The following IL1RL2 variants were observed in gnomAD, a reference collection of about 807,000 sequenced individuals.
IL1RL2 encodes interleukin-1 receptor-like 2.
A neutral mutation model predicts 66.8 loss-of-function variants in IL1RL2; 68 were observed. The ratio of observed to expected loss-of-function variants is 1.02; its 90% CI spans 0.84 to 1.25. IL1RL2 has a LOEUF of 1.25. IL1RL2 is among the 50% of genes most tolerant of loss of function. The pLI is 0.00. For synonymous variants in IL1RL2, 305 were observed against 264.6 expected, an observed-to-expected ratio of 1.15 and a Z score of -1.48; for missense variants, 729 against 709.3, an observed-to-expected ratio of 1.03 and a Z score of -0.32.
intron 3 of IL1RL2, among the ~76,000 whole-genome samples, chr2:102,190,112 T>C (rs1374125292): frequency 6.6e-6 from 1 of 152,314 alleles, no homozygotes; most frequent in East Asian, 1.9e-4. Context: ...CTAAGAAATA[T>C]GAATAACACA....
chr2:102,221,202 TC>T (rs541674956), intron 8 of IL1RL2, among the ~76,000 whole-genome samples: 156 of 152,238 alleles, frequency 1.0e-3, no homozygotes, highest in African/African-American at 3.7e-3. Flanking sequence ...TCCATCACTT[TC>T]CCCCAGTCAG....
chr2:102,226,097 T>C (rs1690587613), intron 9 of IL1RL2, 56 bp downstream of exon 9: 8 of 1,366,744 alleles, frequency 5.9e-6, no homozygotes, highest in Non-Finnish European at 7.8e-6. Flanking sequence ...CTTATACATA[T>C]ACAACGATTT....
chr2:102,236,177 C>T (rs1467312640), intron 11 of IL1RL2, among the ~76,000 whole-genome samples: 2 of 152,044 alleles, frequency 1.3e-5, no homozygotes, highest in Admixed American at 6.5e-5. Flanking sequence ...CACTTTTTTC[C>T]AAGACCCTGG....
In IL1RL2 at chr2:102,219,078, G is replaced by T. The variant is rs199991238; in HGVS notation, c.850G>T (p.Val284Leu). ...YDESKRIREG[V>L]ETHVSFREHN... ...TGAATCCAAACGAATCAGAGAAGGG[G>T]TGGAGTAGGTGTTTTGCTTTTTTGA... Residue 284 changes from valine to leucine, a missense_variant, in exon 7 of 12, where the codon GTG becomes TTG. Physicochemically the swap from Val to Leu is conservative, Grantham distance 32 (BLOSUM62 1). Transcript: ENST00000264257. 40 of 1,613,702 alleles carry T rather than the reference G, an allele frequency of 2.5e-5. 1 individual carries two copies. In the South Asian group the frequency reaches 4.2e-4, roughly 17 times the overall value.
intron 6 of IL1RL2, among the ~76,000 whole-genome samples, chr2:102,217,353 C>G (rs1689702211): frequency 1.3e-5 from 2 of 152,096 alleles, no homozygotes; most frequent in South Asian, 4.1e-4. Flanking sequence ...CTTACAGATT[C>G]AATGCAATCC....
At chr2:102,233,155 A>C in intron 10 of IL1RL2, 31 bp downstream of exon 10, 3 of 1,588,262 alleles carry the variant, frequency 1.9e-6, no homozygotes, top group Non-Finnish European at 2.6e-6. Context: ...AAAAATAACA[A>C]ATAAAAGAAG....
chr2:102,208,921 T>C (rs1161323256), intron 5 of IL1RL2, among the ~76,000 whole-genome samples: 2 of 152,228 alleles, frequency 1.3e-5, no homozygotes, highest in African/African-American at 2.4e-5. Context: ...GACCATTATC[T>C]CTCTGAAAGA....
chr2:102,232,164 T>G (rs1258085266), intron 9 of IL1RL2, among the ~76,000 whole-genome samples: 1 of 149,318 alleles, frequency 6.7e-6, no homozygotes, highest in Admixed American at 6.8e-5. Context: ...CAGGCTGGAG[T>G]GCAATGGTGT....
intron 2 of IL1RL2, among the ~76,000 whole-genome samples, chr2:102,188,818 A>G (rs944176374): frequency 6.6e-6 from 1 of 152,084 alleles, no homozygotes; most frequent in African/African-American, 2.4e-5. Context: ...ATAGAAGGGA[A>G]AGAGGGAAAT....
At chr2:102,195,964 TCA>T (rs1687749913) in intron 4 of IL1RL2, among the ~76,000 whole-genome samples, 2 of 152,202 alleles carry the variant, frequency 1.3e-5, no homozygotes, top group African/African-American at 4.8e-5. Flanking sequence ...TCCACTTGTC[TCA>T]GTCTCCCAAA....
In IL1RL2 at chr2:102,191,905, G is replaced by C; in HGVS notation, c.294-20G>C. On this transcript the variant is annotated intron_variant, in intron 3 of 11. Coordinates refer to ENST00000264257, the MANE Select transcript of IL1RL2 (RefSeq NM_003854.4). ...GTGATTTGTTTTAAAGAGTTTATGA[G>C]GTCTCAATCTGTCTTACAGGGGTAG... The C allele has an allele frequency of 6.7e-7, 1 of 1,499,040 alleles. No individual in the cohort carries two copies. Among genetic ancestry groups the C allele is most frequent in the Non-Finnish European group, 9.1e-7 (1 of 1,100,028 alleles). The allele number at this position is 1,499,040 out of a possible 1,614,324, so 92.9% of individuals were successfully genotyped here.
chr2:102,203,060 T>C (rs1315504698), intron 5 of IL1RL2, among the ~76,000 whole-genome samples: 1 of 152,158 alleles, frequency 6.6e-6, no homozygotes, highest in Non-Finnish European at 1.5e-5. Context: ...TTCTTTCTAC[T>C]TCCAGTTTTT....
At chr2:102,214,463 G>A (rs79345346) in intron 6 of IL1RL2, among the ~76,000 whole-genome samples, 1,849 of 152,112 alleles carry the variant, frequency 0.012, 15 homozygotes, top group African/African-American at 0.023. Flanking sequence ...AAAACAGTAA[G>A]GAACAACTGA....
chr2:102,203,922 A>G (rs1300457293), intron 5 of IL1RL2, among the ~76,000 whole-genome samples: 1 of 151,082 alleles, frequency 6.6e-6, no homozygotes. Flanking sequence ...TTCTTCTACT[A>G]ATTTTGGGCC....
chr2:102,239,468 G>A lies in IL1RL2; in HGVS notation c.*227G>A. 1 of 492,586 alleles carries A rather than the reference G, an allele frequency of 2.0e-6. No individual in the cohort carries two copies. Among genetic ancestry groups the A allele is most frequent in the Non-Finnish European group, 3.8e-6 (1 of 265,490 alleles). 30.5% of individuals were successfully genotyped at this position (492,586 alleles called of 1,614,324 possible). ...CCGTGGTCATGGAGGGTGAGAGCTG[G>A]GGGTTATCCCCATGGTCATGGAGGG... On this transcript the variant is annotated 3_prime_UTR_variant, in exon 12 of 12. Transcript: ENST00000264257.
At chr2:102,213,570 T>C (rs765147533) in intron 6 of IL1RL2, among the ~76,000 whole-genome samples, 8 of 152,144 alleles carry the variant, frequency 5.3e-5, no homozygotes, top group Non-Finnish European at 1.2e-4. Context: ...CTCTTAATTA[T>C]TTGCATTTTT....
At chr2:102,207,620 GTCCTCTCCGCTCTTCCCTC>G in intron 5 of IL1RL2, among the ~76,000 whole-genome samples, 1 of 152,176 alleles carries the variant, frequency 6.6e-6, no homozygotes, top group East Asian at 1.9e-4. Context: ...TGCAAGTGAA[GTCCTCTCCGCTCTTCCCTC>G]TCCTCTCCTT....
At chr2:102,212,618 C>G (rs866609002) in intron 6 of IL1RL2, among the ~76,000 whole-genome samples, 26 of 152,066 alleles carry the variant, frequency 1.7e-4, no homozygotes, top group African/African-American at 5.6e-4. Context: ...ATAAGCATTG[C>G]CTCAATTTGT....
intron 5 of IL1RL2, among the ~76,000 whole-genome samples, chr2:102,209,282 G>C (rs1201516884): frequency 6.6e-6 from 1 of 152,164 alleles, no homozygotes; most frequent in Admixed American, 6.5e-5. Context: ...GGGTTAAATG[G>C]ATCATTTTAA....
Sources: allele counts gnomAD v4.1 joint callset (sites outside exome capture counted in the v4.1 genomes callset), GRCh38; gene constraint gnomAD v4.1.1; transcripts MANE v1.5; gene names NCBI Gene and HGNC (gene_info 2026-07-23, HGNC 2026-07-21).